PRKCA: variants seen among roughly 807,000 people sequenced by gnomAD.
PRKCA encodes protein kinase C alpha type.
A neutral mutation model predicts 87.0 loss-of-function variants in PRKCA; 27 were observed. The ratio of observed to expected loss-of-function variants is 0.31; its 90% CI spans 0.23 to 0.43. PRKCA has a LOEUF of 0.43. PRKCA is among the 20% of genes least tolerant of loss of function. The pLI is 1.00. For missense variants in PRKCA, 518 were observed against 852.3 expected (o/e 0.61, Z 4.88); for synonymous variants, 329 against 311.1 (o/e 1.06, Z -0.61).
In PRKCA at chr17:66,576,307, A is replaced by C. The variant is rs1598784040; in HGVS notation, c.289-65048A>C. Among the ~76,000 whole-genome samples, 3 of 152,354 alleles carry C rather than the reference A, an allele frequency of 2.0e-5. No homozygotes were observed. The South Asian group carries it at 6.2e-4, about 32-fold the overall frequency. On this transcript the variant is annotated intron_variant, in intron 3 of 16. Transcript: ENST00000413366. ...GGGAAGATGAAGTAAAAGGAGATGT[A>C]TTCCACAGGTATAGTACCAGCTTCC...
intron 2 of PRKCA, among the ~76,000 whole-genome samples, chr17:66,458,801 ATT>A (rs1027571032): frequency 3.3e-5 from 5 of 152,114 alleles, no homozygotes; most frequent in African/African-American, 1.2e-4. Context: ...TCTTCTGAGA[ATT>A]GTCTTACTGT....
chr17:66,604,444 T>A (rs527773629), intron 3 of PRKCA, among the ~76,000 whole-genome samples: 1 of 152,362 alleles, frequency 6.6e-6, no homozygotes, highest in South Asian at 2.1e-4. Context: ...GAATAGAGAA[T>A]GTTTGCCACA....
chr17:66,727,109 G>T (rs1292233642), intron 8 of PRKCA, among the ~76,000 whole-genome samples: 1 of 152,168 alleles, frequency 6.6e-6, no homozygotes, highest in Non-Finnish European at 1.5e-5. Flanking sequence ...GCTAGGGGAG[G>T]TCCCCAAACG....
intron 10 of PRKCA, among the ~76,000 whole-genome samples, chr17:66,737,577 A>G (rs758665747): frequency 3.8e-4 from 58 of 152,214 alleles, no homozygotes; most frequent in Non-Finnish European, 5.1e-4. Flanking sequence ...GGAACCTCTC[A>G]GTGCTTTTGT....
At position 66,803,865 on chromosome 17, in the gene PRKCA, C is replaced by T. The variant is rs754696081; in HGVS notation, c.1855-8C>T. The T allele has an allele frequency of 1.4e-5, 22 of 1,612,610 alleles. No homozygotes were observed. In the East Asian group the frequency reaches 4.7e-4, roughly 34 times the overall value. ...TGACCTTTCCTTCTTTTTGTCTTTT[C>T]TCCACAGTGTGGCAAAGGAGCAGAG... On this transcript the variant is annotated splice_region_variant and splice_polypyrimidine_tract_variant and intron_variant, in intron 16 of 16. Coordinates refer to ENST00000413366, the MANE Select transcript of PRKCA (RefSeq NM_002737.3). This position sits in a 1 kb window ranked among gnomAD's most constrained non-coding sequence, Gnocchi z 4.4.
chr17:66,456,854 G>A (rs987322059), intron 2 of PRKCA, among the ~76,000 whole-genome samples: 14 of 152,190 alleles, frequency 9.2e-5, no homozygotes, highest in African/African-American at 3.1e-4. Flanking sequence ...AACAGCTTTC[G>A]ATGCTGCAAG....
At chr17:66,506,789 G>A (rs1471579739) in intron 3 of PRKCA, among the ~76,000 whole-genome samples, 1 of 152,204 alleles carries the variant, frequency 6.6e-6, no homozygotes. Flanking sequence ...AATAGCTTTT[G>A]ACTGGTTGGG....
chr17:66,575,545 A>G (rs1969214271), intron 3 of PRKCA, among the ~76,000 whole-genome samples: 1 of 152,136 alleles, frequency 6.6e-6, no homozygotes, highest in Non-Finnish European at 1.5e-5. Flanking sequence ...GCATCCTTGC[A>G]CTCCAGCCTG....
intron 2 of PRKCA, among the ~76,000 whole-genome samples, chr17:66,325,665 C>T (rs1249755297): frequency 6.6e-6 from 1 of 151,964 alleles, no homozygotes; most frequent in Non-Finnish European, 1.5e-5. Context: ...TCCTAAAAAC[C>T]CTTTGAGAAC....
At position 66,803,388 on chromosome 17, in the gene PRKCA, G is replaced by A. The variant is rs73994632; in HGVS notation, c.1855-485G>A. Among the ~76,000 whole-genome samples the A allele has an allele frequency of 9.3e-3, 1,421 of 152,298 alleles. 14 individuals are homozygous for A. Among genetic ancestry groups the A allele is most frequent in the African/African-American group, 0.03 (1,266 of 41,552 alleles). On this transcript the variant is annotated intron_variant, in intron 16 of 16. Transcript: ENST00000413366. The surrounding 1 kb of genome is among the most constrained non-coding windows in gnomAD (Gnocchi z 4.4). ...CTGGAGCAGCCCAGTAGGAAGGCAA[G>A]GATAACACAGTTTTTACTTCACTAC...
chr17:66,505,536 T>G lies in PRKCA; in HGVS notation c.288+9253T>G, dbSNP rs575832216. Among the ~76,000 whole-genome samples the G allele has an allele frequency of 2.6e-5, 4 of 152,328 alleles. No homozygotes were observed. In the South Asian group the frequency reaches 8.3e-4, roughly 32 times the overall value. ...TTTGGAACTCCACTTTTGAATGGCCTGGACGGGCAGTAGTACATCCTTTTC... is the reference window on the plus strand; with the variant it reads ...TTTGGAACTCCACTTTTGAATGGCCGGGACGGGCAGTAGTACATCCTTTTC... On this transcript the variant is annotated intron_variant, in intron 3 of 16. Coordinates refer to ENST00000413366, the MANE Select transcript of PRKCA (RefSeq NM_002737.3).
At chr17:66,664,385 A>G (rs1407842616) in intron 5 of PRKCA, among the ~76,000 whole-genome samples, 2 of 152,132 alleles carry the variant, frequency 1.3e-5, no homozygotes, top group African/African-American at 2.4e-5. Flanking sequence ...TCCTGCCCCC[A>G]GGGCCTGTGA....
chr17:66,428,089 C>T (rs1257015051), intron 2 of PRKCA, among the ~76,000 whole-genome samples: 1 of 152,086 alleles, frequency 6.6e-6, no homozygotes, highest in Non-Finnish European at 1.5e-5. Flanking sequence ...TGATTTTTTT[C>T]TCATCGTAAA....
At chr17:66,557,243 G>C (rs1195906803) in intron 3 of PRKCA, among the ~76,000 whole-genome samples, 1 of 152,002 alleles carries the variant, frequency 6.6e-6, no homozygotes, top group Non-Finnish European at 1.5e-5. Context: ...CTTGGGGAAG[G>C]ACATAATGAA....
intron 2 of PRKCA, among the ~76,000 whole-genome samples, chr17:66,361,425 C>A (rs1908383090): frequency 6.6e-6 from 1 of 151,926 alleles, no homozygotes; most frequent in African/African-American, 2.4e-5. Context: ...AATTCTCCTG[C>A]CTCAGTCTCT....
chr17:66,533,724 G>A (rs941353925), intron 3 of PRKCA, among the ~76,000 whole-genome samples: 3 of 152,130 alleles, frequency 2.0e-5, no homozygotes, highest in Non-Finnish European at 4.4e-5. Flanking sequence ...GGCAGACCCC[G>A]TTCCTTTTGC....
chr17:66,670,024 T>G (rs558701052), intron 5 of PRKCA, among the ~76,000 whole-genome samples: 1 of 152,370 alleles, frequency 6.6e-6, no homozygotes, highest in Admixed American at 6.5e-5. Flanking sequence ...TCTAATCGTA[T>G]GCACTACTAA....
At chr17:66,418,276 A>G (rs1210869648) in intron 2 of PRKCA, among the ~76,000 whole-genome samples, 1 of 152,204 alleles carries the variant, frequency 6.6e-6, no homozygotes, top group African/African-American at 2.4e-5. Context: ...CATATATTTT[A>G]TATTGACATT....
At chr17:66,339,881 A>G (rs1200662532) in intron 2 of PRKCA, 1 of 152,214 alleles carries the variant, frequency 6.6e-6, no homozygotes, top group Non-Finnish European at 1.5e-5. Flanking sequence ...AACCCCTAAT[A>G]TTAAGAACCT....
Sources: gnomAD v4.1 joint callset for allele counts (sites outside exome capture counted in the v4.1 genomes callset) on GRCh38, gnomAD v4.1.1 for gene constraint, Gnocchi (gnomAD v3.1) non-coding constraint, MANE v1.5 for transcripts, NCBI Gene and HGNC (gene_info 2026-07-23, HGNC 2026-07-21) for gene names.